SNTG1: variants seen among roughly 807,000 people sequenced by gnomAD.
SNTG1 encodes the protein syntrophin gamma 1.
A neutral mutation model predicts 74.7 loss-of-function variants in SNTG1; 39 were observed. That is an observed-to-expected ratio of 0.52 (90% CI 0.40 to 0.68). SNTG1 has a LOEUF of 0.68. Ranked by LOEUF, SNTG1 falls within the 30% of genes least tolerant of loss-of-function variation. SNTG1 has a pLI of 0.00. For synonymous variants in SNTG1, 254 were observed against 217.1 expected (o/e 1.17, Z -1.49); for missense variants, 685 against 609.5 (o/e 1.12, Z -1.30).
At chr8:50,609,460 A>G (rs2094835259) in intron 13 of SNTG1, among the ~76,000 whole-genome samples, 1 of 151,858 alleles carries the variant, frequency 6.6e-6, no homozygotes. Context: ...TGCTTTCAGT[A>G]TTTTCTTTTA....
intron 1 of SNTG1, among the ~76,000 whole-genome samples, chr8:50,022,580 G>A (rs1417814623): frequency 2.0e-5 from 3 of 152,188 alleles, no homozygotes; most frequent in Non-Finnish European, 4.4e-5. Context: ...TCTTAAATTT[G>A]TAATAAATTA....
intron 1 of SNTG1, among the ~76,000 whole-genome samples, chr8:50,118,061 ATTTTC>A (rs1246210575): frequency 6.6e-6 from 1 of 152,118 alleles, no homozygotes; most frequent in Non-Finnish European, 1.5e-5. Context: ...TTGCTTCTCT[ATTTTC>A]CAAATGTATG....
chr8:50,525,496 A>G (rs958126180), intron 9 of SNTG1, among the ~76,000 whole-genome samples: 5 of 152,048 alleles, frequency 3.3e-5, no homozygotes, highest in African/African-American at 9.7e-5. Context: ...TCGGACTTCT[A>G]TAAAGTGTCT....
At chr8:50,350,253 C>T (rs1216212331) in intron 2 of SNTG1, among the ~76,000 whole-genome samples, 2 of 152,136 alleles carry the variant, frequency 1.3e-5, no homozygotes, top group Admixed American at 1.3e-4. Flanking sequence ...GTGCCGCCCC[C>T]TGCTCCACCG....
chr8:50,216,599 G>T (rs1468896310), intron 2 of SNTG1, among the ~76,000 whole-genome samples: 2 of 152,074 alleles, frequency 1.3e-5, no homozygotes, highest in Admixed American at 6.6e-5. Context: ...ATCTGAAGGG[G>T]TGTATACTAG....
At chr8:49,930,762 C>T (rs909445316) in intron 1 of SNTG1, among the ~76,000 whole-genome samples, 7 of 152,178 alleles carry the variant, frequency 4.6e-5, no homozygotes, top group African/African-American at 1.7e-4. Context: ...AATACAAAGA[C>T]ACCTGCCATA....
chr8:50,529,551 C>G (rs2094249401), intron 9 of SNTG1, among the ~76,000 whole-genome samples: 1 of 151,946 alleles, frequency 6.6e-6, no homozygotes, highest in Non-Finnish European at 1.5e-5. Flanking sequence ...ACTATTGTGA[C>G]TCTAACACTT....
intron 18 of SNTG1, among the ~76,000 whole-genome samples, chr8:50,776,675 T>A (rs970749968): frequency 2.0e-5 from 3 of 151,680 alleles, no homozygotes; most frequent in African/African-American, 7.2e-5. Context: ...GGATCACTTT[T>A]CTTACCATAT....
At chr8:50,381,592 G>GTGTGTGTATATA (rs1217355515) in intron 2 of SNTG1, among the ~76,000 whole-genome samples, 7 of 98,016 alleles carry the variant, frequency 7.1e-5, no homozygotes, top group Non-Finnish European at 1.1e-4. Flanking sequence ...GTGTGTGTGT[G>GTGTGTGTATATA]TATATATATA....
intron 2 of SNTG1, among the ~76,000 whole-genome samples, chr8:50,255,843 G>T (rs538878756): frequency 6.6e-6 from 1 of 152,086 alleles, no homozygotes; most frequent in African/African-American, 2.4e-5. Flanking sequence ...TAAGAATTTG[G>T]GGGGTGGGGA....
At chr8:50,770,617 G>C (rs1187294965) in intron 18 of SNTG1, among the ~76,000 whole-genome samples, 1 of 152,004 alleles carries the variant, frequency 6.6e-6, no homozygotes, top group Admixed American at 6.6e-5. Flanking sequence ...TTTGCAGGCT[G>C]CTATGGTTTT....
rs955934617 is a variant in SNTG1, at chr8:49,945,705, G to C, written c.-103+33474G>C. 4.6e-5 allele frequency among the ~76,000 whole-genome samples: 7 copies of C among 152,134 alleles called. No homozygotes were observed. The East Asian group carries it at 1.2e-3, about 25-fold the overall frequency. On this transcript the variant is annotated intron_variant, in intron 1 of 18. Transcript: ENST00000642720. ...GTCCTTTTCCCTGTGTGGATGACTA[G>C]AGCATGACAGGCAAGCCTCAGCACA...
chr8:50,201,002 C>T (rs545881997), intron 2 of SNTG1, among the ~76,000 whole-genome samples: 4 of 152,178 alleles, frequency 2.6e-5, no homozygotes, highest in East Asian at 1.9e-4. Flanking sequence ...GGGGCTCATT[C>T]ATTGTCTTTT....
chr8:50,690,706 GA>G (rs1166072288), intron 15 of SNTG1, among the ~76,000 whole-genome samples: 1 of 152,206 alleles, frequency 6.6e-6, no homozygotes, highest in Non-Finnish European at 1.5e-5. Context: ...GTGTGGTGCT[GA>G]AAAGAATGTA....
intron 2 of SNTG1, among the ~76,000 whole-genome samples, chr8:50,323,738 C>G (rs1442939030): frequency 6.6e-6 from 1 of 152,134 alleles, no homozygotes; most frequent in South Asian, 2.1e-4. Context: ...CTGGGTCAGA[C>G]CTGAAGCCAG....
At chr8:50,746,149 C>T (rs2131679826) in intron 17 of SNTG1, among the ~76,000 whole-genome samples, 1 of 151,998 alleles carries the variant, frequency 6.6e-6, no homozygotes, top group South Asian at 2.1e-4. Flanking sequence ...TGTAAAAATA[C>T]ATGAGTATAT....
At chr8:50,146,890 A>AT (rs59246656) in intron 1 of SNTG1, among the ~76,000 whole-genome samples, 2,073 of 151,690 alleles carry the variant, frequency 0.014, 22 homozygotes, top group Non-Finnish European at 0.021. Context: ...GAGTTTTAAG[A>AT]TTTTTTTATA....
intron 18 of SNTG1, among the ~76,000 whole-genome samples, chr8:50,765,448 C>T (rs1047824605): frequency 1.3e-5 from 2 of 151,832 alleles, no homozygotes; most frequent in African/African-American, 2.4e-5. Flanking sequence ...GAACTTGTCA[C>T]GTGTTGTGAG....
At chr8:50,340,801 C>A (rs1381317756) in intron 2 of SNTG1, among the ~76,000 whole-genome samples, 1 of 151,852 alleles carries the variant, frequency 6.6e-6, no homozygotes, top group African/African-American at 2.4e-5. Context: ...AAAAATGATG[C>A]ACTCTGTAAG....
Sources: allele counts gnomAD v4.1 joint callset (sites outside exome capture counted in the v4.1 genomes callset), GRCh38; gene constraint gnomAD v4.1.1; transcripts MANE v1.5; gene names NCBI Gene and HGNC (gene_info 2026-07-23, HGNC 2026-07-21).